Variants in CAMSAP1 observed in about 807,000 individuals in gnomAD.
CAMSAP1 encodes the protein calmodulin-regulated spectrin-associated protein 1.
Under a neutral mutation model 143.5 loss-of-function variants are expected in CAMSAP1, and 58 were observed. The observed-to-expected ratio is 0.40, with a 90% CI of 0.33 to 0.50. The LOEUF (loss-of-function observed/expected upper bound fraction) is 0.50. Ranked by LOEUF, CAMSAP1 falls within the 20% of genes least tolerant of loss-of-function variation. The pLI, the probability that CAMSAP1 is intolerant of heterozygous loss-of-function variation, is 0.45. For missense variants in CAMSAP1, 1,969 were observed against 2,115.7 expected (o/e 0.93, Z 1.36); for synonymous variants, 945 against 859.3 (o/e 1.10, Z -1.74).
At position 135,907,042 on chromosome 9, in the gene CAMSAP1, C is replaced by A. The variant is rs1476173014; in HGVS notation, c.118G>T (p.Ala40Ser). 8.3e-7 allele frequency: 1 copy of A among 1,203,878 alleles called. No individual in the cohort carries two copies. The allele number at this position is 1,203,878 out of a possible 1,614,324, so 74.6% of individuals were successfully genotyped here. Reference protein sequence around the residue: ...DRYDAARAKIAANLQWICAKA... With the variant: ...DRYDAARAKISANLQWICAKA... The stretch of plus-strand genomic sequence containing the variant: ...GCGCAGATCCACTGCAGGTTGGCGG[C>A]GATCTTGGCGCGCGCCGCGTCGTAG... Residue 40 changes from alanine (A) to serine (S), a missense_variant, in exon 1 of 17, where the codon GCC becomes TCC. By Grantham distance (99) the Ala-to-Ser change is moderately conservative (BLOSUM62 1). Transcript: ENST00000389532.
At chr9:135,836,605 A>T (rs1214768211) in intron 7 of CAMSAP1, 1 of 979,746 alleles carries the variant, frequency 1.0e-6, no homozygotes, top group African/African-American at 1.9e-5. Context: ...GCAGCCACAC[A>T]TCGCCACGTA....
At chr9:135,833,078 CTTTTTT>C (rs56081448) in intron 7 of CAMSAP1, among the ~76,000 whole-genome samples, 2 of 96,532 alleles carry the variant, frequency 2.1e-5, no homozygotes, top group African/African-American at 4.0e-5. Flanking sequence ...CCACAGTAAT[CTTTTTT>C]TTTTTTTTTT....
rs554431826 is a variant in CAMSAP1, at chr9:135,830,446, C to T, written c.1046-2862G>A. 1.6e-4 allele frequency among the ~76,000 whole-genome samples: 25 copies of T among 152,312 alleles called. 1 individual carries two copies. The highest frequency in any genetic ancestry group is 1.4e-3 in the Admixed American group (21 of 15,298). On this transcript the variant is annotated intron_variant, in intron 7 of 16. Coordinates refer to ENST00000389532, the MANE Select transcript of CAMSAP1 (RefSeq NM_015447.4). ...ACCTCAGACAAAAGAGACTTTACAT[C>T]GAAAACTGTCTCTAGAGACAAGGGT...
chr9:135,866,852 T>C (rs886618057), intron 3 of CAMSAP1, among the ~76,000 whole-genome samples: 5 of 152,168 alleles, frequency 3.3e-5, no homozygotes, highest in Admixed American at 2.0e-4. Flanking sequence ...GTCAAACAGC[T>C]AAGCTTCTCC....
At chr9:135,900,284 A>G (rs746092279) in intron 1 of CAMSAP1, among the ~76,000 whole-genome samples, 1 of 152,002 alleles carries the variant, frequency 6.6e-6, no homozygotes, top group African/African-American at 2.4e-5. Flanking sequence ...CAGCCTCCCA[A>G]AGTGCTGAGA....
chr9:135,821,627 C>G lies in CAMSAP1; in HGVS notation c.3034G>C (p.Gly1012Arg). Residue 1012 changes from glycine (G) to arginine (R), a missense_variant, in exon 11 of 17, where the codon GGG (glycine) becomes CGG (arginine). By Grantham distance (125) the Gly-to-Arg change is moderately radical. Transcript: ENST00000389532. The surrounding 1 kb of genome is among the most constrained non-coding windows in gnomAD (Gnocchi z 4.6). ...CATTCATTCACGTCGACAACCTCCCCAACAGTGTCCTCCAGGAGGGCAGCG... is the reference window on the plus strand; with the variant it reads ...CATTCATTCACGTCGACAACCTCCCGAACAGTGTCCTCCAGGAGGGCAGCG... ...ISAALLEDTV[G>R]EVVDVNECDL... is the part of the protein sequence containing the mutation. 2.5e-6 allele frequency: 4 copies of G among 1,614,030 alleles called. No homozygotes were observed. The highest frequency in any genetic ancestry group is 3.4e-6 in the Non-Finnish European group (4 of 1,179,902).
intron 3 of CAMSAP1, among the ~76,000 whole-genome samples, chr9:135,879,995 A>C (rs1303288541): frequency 6.6e-6 from 1 of 152,048 alleles, no homozygotes; most frequent in South Asian, 2.1e-4. Context: ...AAACTATCAG[A>C]ATTTTTACCA....
In CAMSAP1 at chr9:135,822,888, G is replaced by GA; in HGVS notation, c.1772dup (p.Glu593GlyfsTer9). On this transcript the variant is annotated frameshift_variant, in exon 11 of 17. Coordinates refer to ENST00000389532, the MANE Select transcript of CAMSAP1 (RefSeq NM_015447.4). LOFTEE classifies it high-confidence loss of function. This position sits in a 1 kb window ranked among gnomAD's most constrained non-coding sequence, Gnocchi z 6.1. ...GAACTGCTGGCATCAAAGGCTCCAA[G>GA]AAAAAACTGTCAGGCTTACTTTCCG... 6.2e-7 allele frequency: 1 copy of GA among 1,613,908 alleles called. No individual in the cohort carries two copies. Among genetic ancestry groups the GA allele is most frequent in the Non-Finnish European group, 8.5e-7 (1 of 1,179,880 alleles).
At chr9:135,863,625 TAATC>T (rs1740750300) in intron 4 of CAMSAP1, among the ~76,000 whole-genome samples, 1 of 152,218 alleles carries the variant, frequency 6.6e-6, no homozygotes, top group African/African-American at 2.4e-5. Context: ...TCATGTAGAA[TAATC>T]AATACTGATG....
chr9:135,873,924 A>G (rs1432685996), intron 3 of CAMSAP1, among the ~76,000 whole-genome samples: 2 of 152,194 alleles, frequency 1.3e-5, no homozygotes, highest in African/African-American at 4.8e-5. Context: ...TGAGAAAAAA[A>G]ACTAGAGACC....
chr9:135,853,607 G>A (rs1836853241), intron 5 of CAMSAP1, among the ~76,000 whole-genome samples: 1 of 152,232 alleles, frequency 6.6e-6, no homozygotes, highest in African/African-American at 2.4e-5. Context: ...AAAAGCCGAT[G>A]GATTTTCTTC....
chr9:135,817,446 C>G (rs532549230), intron 14 of CAMSAP1, among the ~76,000 whole-genome samples: 1 of 151,836 alleles, frequency 6.6e-6, no homozygotes, highest in Non-Finnish European at 1.5e-5. Context: ...GGCTGGAGTG[C>G]AGTAGCCTGA....
chr9:135,864,389 T>A (rs1250472995), intron 4 of CAMSAP1, among the ~76,000 whole-genome samples: 1 of 152,202 alleles, frequency 6.6e-6, no homozygotes, highest in African/African-American at 2.4e-5. Flanking sequence ...ATCTGTGAGC[T>A]CTGCAGCAGA....
At chr9:135,876,205 G>A (rs560511267) in intron 3 of CAMSAP1, among the ~76,000 whole-genome samples, 1 of 152,116 alleles carries the variant, frequency 6.6e-6, no homozygotes, top group South Asian at 2.1e-4. Flanking sequence ...TGCCCACCTC[G>A]GCCTCCCAAA....
rs890440276 is a variant in CAMSAP1, at chr9:135,856,000, C to T, written c.809-5539G>A. Among the ~76,000 whole-genome samples, 6 of 148,602 alleles carry T rather than the reference C, an allele frequency of 4.0e-5. No individual in the cohort carries two copies. The East Asian group carries it at 6.1e-4, about 15-fold the overall frequency. ...CTGGGAGGTGGAGCTTGCAGTGAGC[C>T]GAGATCGTACCACTGCACTCCAGCA... is the stretch of plus-strand genomic sequence containing the variant. On this transcript the variant is annotated intron_variant, in intron 5 of 16. Coordinates refer to ENST00000389532, the MANE Select transcript of CAMSAP1 (RefSeq NM_015447.4).
rs1462053670 is a variant in CAMSAP1 at position 135,818,991 on chromosome 9, C to T, written c.3959+19G>A. 2 of 1,602,714 alleles carry T rather than the reference C, an allele frequency of 1.2e-6. No individual in the cohort carries two copies. Among genetic ancestry groups the T allele is most frequent in the Non-Finnish European group, 1.7e-6 (2 of 1,178,522 alleles). ...CAGGCTCCTGCTCAGTCTGCTTTCC[C>T]CCCCGGCGGGACGCTTACCGGGCTT... On this transcript the variant is annotated intron_variant, in intron 12 of 16. Coordinates refer to ENST00000389532, the MANE Select transcript of CAMSAP1 (RefSeq NM_015447.4). The surrounding 1 kb of genome is among the most constrained non-coding windows in gnomAD (Gnocchi z 7.7).
intron 1 of CAMSAP1, among the ~76,000 whole-genome samples, chr9:135,905,233 G>A (rs1838742441): frequency 6.6e-6 from 1 of 152,210 alleles, no homozygotes; most frequent in African/African-American, 2.4e-5. Flanking sequence ...AGTGAAACTA[G>A]ACGAACCCAA....
In CAMSAP1 at chr9:135,819,101, A is replaced by AG; in HGVS notation, c.3867dup (p.Phe1290LeufsTer28). 1 of 1,602,578 alleles carries AG rather than the reference A, an allele frequency of 6.2e-7. No individual in the cohort carries two copies. The highest frequency in any genetic ancestry group is 8.5e-7 in the Non-Finnish European group (1 of 1,175,958). ...GCCTTGCGCTGCTGCTTCAGGAGGA[A>AG]GGCCGCCCGCTTCTTGGCGAGCTCA... On this transcript the variant is annotated frameshift_variant, in exon 12 of 17. Coordinates refer to ENST00000389532, the MANE Select transcript of CAMSAP1 (RefSeq NM_015447.4). LOFTEE classifies it high-confidence loss of function.
chr9:135,866,261 G>A, intron 4 of CAMSAP1, 195 bp downstream of exon 4: 2 of 543,214 alleles, frequency 3.7e-6, no homozygotes, highest in Admixed American at 3.2e-5. Context: ...CTTCCCAGGA[G>A]AGGCGGGGCA....
Sources: gnomAD v4.1 joint callset for allele counts (sites outside exome capture counted in the v4.1 genomes callset) on GRCh38, gnomAD v4.1.1 for gene constraint, Gnocchi (gnomAD v3.1) non-coding constraint, MANE v1.5 for transcripts, NCBI Gene and HGNC (gene_info 2026-07-23, HGNC 2026-07-21) for gene names.